The following HDAC9 variants were observed in gnomAD, a reference collection of about 807,000 sequenced individuals.
HDAC9 encodes histone deacetylase 9.
In HDAC9, 41 loss-of-function variants were observed where a neutral mutation model predicts 139.4. The ratio of observed to expected loss-of-function variants is 0.29; its 90% CI spans 0.23 to 0.38. HDAC9 has a LOEUF of 0.38. Ranked by LOEUF, HDAC9 falls within the 10% of genes least tolerant of loss-of-function variation. The pLI is 1.00. For synonymous variants in HDAC9, 517 were observed against 476.2 expected, an observed-to-expected ratio of 1.09 and a Z score of -1.12; for missense variants, 1,147 against 1,297.0, an observed-to-expected ratio of 0.88 and a Z score of 1.78.
chr7:18,344,175 A>T (rs1227475290), intron 1 of HDAC9, among the ~76,000 whole-genome samples: 2 of 151,918 alleles, frequency 1.3e-5, no homozygotes, highest in Non-Finnish European at 2.9e-5. Context: ...AAAGCTGGAA[A>T]TGTCTTTTCA....
upstream of HDAC9, among the ~76,000 whole-genome samples, chr7:18,491,221 T>C (rs1245681598): frequency 6.6e-6 from 1 of 151,990 alleles, no homozygotes; most frequent in Non-Finnish European, 1.5e-5. Flanking sequence ...AAACATTCTT[T>C]ATATTTATTT....
intron 12 of HDAC9, among the ~76,000 whole-genome samples, chr7:18,682,468 A>G (rs1194799888): frequency 1.3e-5 from 2 of 152,024 alleles, no homozygotes; most frequent in South Asian, 2.1e-4. Context: ...CACTCTACAT[A>G]TTGATTTTAG....
chr7:18,414,480 C>G (rs1788865527), intron 1 of HDAC9, among the ~76,000 whole-genome samples: 1 of 151,600 alleles, frequency 6.6e-6, no homozygotes, highest in Admixed American at 6.6e-5. Flanking sequence ...CAAGGACATA[C>G]CTTTCACTAT....
intron 2 of HDAC9, among the ~76,000 whole-genome samples, chr7:18,193,279 A>G (rs1388731841): frequency 6.6e-6 from 1 of 152,144 alleles, no homozygotes; most frequent in Admixed American, 6.5e-5. Context: ...AATCTAATAC[A>G]TTTCATCAAT....
intron 1 of HDAC9, among the ~76,000 whole-genome samples, chr7:18,150,459 A>G: frequency 6.6e-6 from 1 of 152,200 alleles, no homozygotes; most frequent in East Asian, 1.9e-4. Context: ...TACACACTGC[A>G]ATATTATCTT....
chr7:18,383,252 G>T (rs982807555), intron 1 of HDAC9, among the ~76,000 whole-genome samples: 2 of 152,142 alleles, frequency 1.3e-5, no homozygotes, highest in African/African-American at 4.8e-5. Context: ...CGATGTGCTC[G>T]TGCAGGGATG....
At chr7:18,955,049 T>A (rs1262578415) in intron 24 of HDAC9, among the ~76,000 whole-genome samples, 1 of 152,114 alleles carries the variant, frequency 6.6e-6, no homozygotes, top group Non-Finnish European at 1.5e-5. Flanking sequence ...CTCCACTTCA[T>A]CTCACTCATG....
intron 12 of HDAC9, among the ~76,000 whole-genome samples, chr7:18,675,182 G>A (rs1039089835): frequency 9.9e-5 from 15 of 151,994 alleles, no homozygotes; most frequent in African/African-American, 3.6e-4. Context: ...TTGATGTGTT[G>A]TTTTGACTAG....
At chr7:18,189,293 T>G (rs1790155114) in intron 2 of HDAC9, among the ~76,000 whole-genome samples, 1 of 147,102 alleles carries the variant, frequency 6.8e-6, no homozygotes, top group Non-Finnish European at 1.5e-5. Flanking sequence ...AGTTGAACAT[T>G]GAGAACACAT....
intron 2 of HDAC9, among the ~76,000 whole-genome samples, chr7:18,520,082 G>T (rs556353415): frequency 1.3e-5 from 2 of 151,206 alleles, no homozygotes; most frequent in South Asian, 4.2e-4. Flanking sequence ...TTAACCCAAA[G>T]AAAAAAAATG....
At chr7:18,122,832 T>C (rs569211050) in intron 1 of HDAC9, among the ~76,000 whole-genome samples, 1 of 152,282 alleles carries the variant, frequency 6.6e-6, no homozygotes, top group South Asian at 2.1e-4. Flanking sequence ...TTGGCCAGTC[T>C]GGCCTTGAAC....
chr7:18,313,142 G>A lies in HDAC9; in HGVS notation c.-42+22627G>A, dbSNP rs115226935. On this transcript the variant is annotated intron_variant, in intron 1 of 3. Transcript: ENST00000413509. Reference sequence around the variant, plus strand: ...AAGAAAACATTTCTTCATCACCTGAGTTTTCGGTCACCCATGAATTCTAAG... The same window carrying A: ...AAGAAAACATTTCTTCATCACCTGAATTTTCGGTCACCCATGAATTCTAAG... Among the ~76,000 whole-genome samples the A allele has an allele frequency of 6.4e-3, 967 of 152,212 alleles. 10 individuals are homozygous for A. The highest frequency in any genetic ancestry group is 0.022 in the African/African-American group (911 of 41,536).
intron 1 of HDAC9, among the ~76,000 whole-genome samples, chr7:18,316,161 C>G (rs969903336): frequency 2.0e-5 from 3 of 152,054 alleles, no homozygotes; most frequent in African/African-American, 7.2e-5. Context: ...TTTAGTTGAT[C>G]TAGGGTGAGG....
At chr7:18,606,064 T>C (rs1315347160) in intron 6 of HDAC9, among the ~76,000 whole-genome samples, 1 of 152,198 alleles carries the variant, frequency 6.6e-6, no homozygotes, top group Non-Finnish European at 1.5e-5. Flanking sequence ...AATTACCTCA[T>C]TTAAATATTT....
At chr7:18,837,944 G>A (rs1796344564) in intron 21 of HDAC9, among the ~76,000 whole-genome samples, 1 of 152,058 alleles carries the variant, frequency 6.6e-6, no homozygotes, top group Non-Finnish European at 1.5e-5. Context: ...AAGCTTCCCA[G>A]TGTATCTCCA....
At chr7:18,765,049 C>G (rs1406824030) in intron 15 of HDAC9, among the ~76,000 whole-genome samples, 1 of 152,156 alleles carries the variant, frequency 6.6e-6, no homozygotes, top group African/African-American at 2.4e-5. Flanking sequence ...ATTAATATTC[C>G]TGTCGCTCTT....
intron 22 of HDAC9, among the ~76,000 whole-genome samples, chr7:18,890,549 CT>C (rs1260672559): frequency 6.6e-6 from 1 of 152,270 alleles, no homozygotes; most frequent in African/African-American, 2.4e-5. Flanking sequence ...TAGCAAACTT[CT>C]TCATTTAGTA....
intron 1 of HDAC9, among the ~76,000 whole-genome samples, chr7:18,457,367 A>G (rs1003046681): frequency 1.3e-5 from 2 of 152,194 alleles, no homozygotes; most frequent in African/African-American, 4.8e-5. Context: ...TTCAGTGAAT[A>G]TATTTGTGAA....
At chr7:18,185,704 C>G (rs951651561) in intron 2 of HDAC9, among the ~76,000 whole-genome samples, 2 of 152,110 alleles carry the variant, frequency 1.3e-5, no homozygotes, top group African/African-American at 2.4e-5. Context: ...TCGTTTTCCC[C>G]TACCTTCATA....
Sources: gnomAD v4.1 joint callset for allele counts (sites outside exome capture counted in the v4.1 genomes callset) on GRCh38, gnomAD v4.1.1 for gene constraint, MANE v1.5 for transcripts, NCBI Gene and HGNC (gene_info 2026-07-23, HGNC 2026-07-21) for gene names.